TTC39B: variants seen among roughly 807,000 people sequenced by gnomAD.
The protein encoded by TTC39B is tetratricopeptide repeat domain 39B.
Under a neutral mutation model 96.6 loss-of-function variants are expected in TTC39B, and 92 were observed. The observed-to-expected ratio is 0.95, with a 90% CI of 0.80 to 1.13. TTC39B has a LOEUF of 1.13. TTC39B is among the 50% of genes most tolerant of loss of function. The pLI, the probability that TTC39B is intolerant of heterozygous loss-of-function variation, is 0.00. For missense variants in TTC39B, 955 were observed against 809.3 expected (o/e 1.18, Z -2.18); for synonymous variants, 367 against 299.4 (o/e 1.23, Z -2.33).
At chr9:15,211,643 A>G (rs1164981331) in intron 4 of TTC39B, among the ~76,000 whole-genome samples, 1 of 152,234 alleles carries the variant, frequency 6.6e-6, no homozygotes, top group Non-Finnish European at 1.5e-5. Flanking sequence ...TCCCTATTTC[A>G]ACACAAGAGG....
In TTC39B at chr9:15,218,924, T is replaced by C. The variant is rs947555320; in HGVS notation, c.372-4675A>G. ...CCAAGGCCATTTTCTATTACTTTTC[T>C]GGAGGTTTTGTCTCTTTCCTCTAGC... On this transcript the variant is annotated intron_variant, in intron 3 of 19. Transcript: ENST00000512701. 2.6e-5 allele frequency among the ~76,000 whole-genome samples: 4 copies of C among 152,106 alleles called. No homozygotes were observed. In the South Asian group the frequency reaches 8.3e-4, roughly 31 times the overall value.
chr9:15,196,335 G>A (rs978847027), intron 8 of TTC39B, among the ~76,000 whole-genome samples: 1 of 152,154 alleles, frequency 6.6e-6, no homozygotes, highest in Non-Finnish European at 1.5e-5. Flanking sequence ...TCCTCTAATG[G>A]ATCCAGGGAA....
intron 1 of TTC39B, among the ~76,000 whole-genome samples, chr9:15,280,534 T>G (rs1360145224): frequency 1.3e-5 from 2 of 152,130 alleles, no homozygotes; most frequent in Non-Finnish European, 2.9e-5. Context: ...AAGGGAGAAA[T>G]AACACTAAGA....
chr9:15,177,641 G>A (rs1370523706), intron 18 of TTC39B, 56 bp downstream of exon 18: 55 of 1,201,698 alleles, frequency 4.6e-5, no homozygotes, highest in Non-Finnish European at 5.8e-5. Context: ...CTTTCTCACA[G>A]CAATTCCCCA....
intron 8 of TTC39B, among the ~76,000 whole-genome samples, chr9:15,193,668 A>G (rs1196395051): frequency 6.6e-6 from 1 of 152,144 alleles, no homozygotes; most frequent in East Asian, 1.9e-4. Context: ...ATGAATGTTT[A>G]TTTGGTCAGC....
At chr9:15,233,625 C>G (rs947814636) in intron 2 of TTC39B, among the ~76,000 whole-genome samples, 1 of 152,174 alleles carries the variant, frequency 6.6e-6, no homozygotes, top group South Asian at 2.1e-4. Flanking sequence ...CCCGAGGTGC[C>G]GGGATTGCAG....
At position 15,211,410 on chromosome 9, in the gene TTC39B, C is replaced by G; in HGVS notation, c.483-13G>C. 1 of 1,465,374 alleles carries G rather than the reference C, an allele frequency of 6.8e-7. No homozygotes were observed. Among genetic ancestry groups the G allele is most frequent in the South Asian group, 1.5e-5 (1 of 68,516 alleles). 90.8% of individuals were successfully genotyped at this position (1,465,374 alleles called of 1,614,324 possible). A position where few individuals can be genotyped will look rare whatever the true frequency, so the allele number is the denominator to read the frequency against. On this transcript the variant is annotated splice_polypyrimidine_tract_variant and intron_variant, in intron 4 of 19. Transcript: ENST00000512701. ...ACTCTCCTTAGCCCTGGGAAGAACA[C>G]AGGGAATTCAGACATTTTAATTCAA...
At chr9:15,172,497 C>T (rs1588830666) in intron 19 of TTC39B, among the ~76,000 whole-genome samples, 1 of 152,214 alleles carries the variant, frequency 6.6e-6, no homozygotes, top group East Asian at 1.9e-4. Context: ...TTAGCATGAT[C>T]ACATGATCGA....
chr9:15,170,617 T>C (rs922481170), exon 20 of TTC39B: 4 of 152,178 alleles, frequency 2.6e-5, no homozygotes, highest in Admixed American at 6.5e-5. Context: ...CTCCGTGTCA[T>C]GGAACTATTA....
Position 15,177,716 on chromosome 9 carries a change from A to T in TTC39B, c.1822T>A (p.Tyr608Asn). The change falls in exon 18 of 20, where the codon TAC becomes AAC. Residue 608 changes from tyrosine (Y) to asparagine (N), a missense_variant. Coordinates refer to ENST00000512701, the Ensembl canonical transcript of TTC39B. Reference sequence around the variant, plus strand: ...TCTTACCTTTCCACAACATGATTGTAACATAGTTCAGCTTGCAAGGGCCGC... The same window carrying T: ...TCTTACCTTTCCACAACATGATTGTTACATAGTTCAGCTTGCAAGGGCCGC... 3 of 1,612,634 alleles carry T rather than the reference A, an allele frequency of 1.9e-6. No homozygotes were observed. Among genetic ancestry groups the T allele is most frequent in the Non-Finnish European group, 2.5e-6 (3 of 1,179,280 alleles).
chr9:15,251,694 C>CATATAAATATAT (rs59081141), intron 2 of TTC39B, among the ~76,000 whole-genome samples: 1 of 61,810 alleles, frequency 1.6e-5, no homozygotes, highest in Admixed American at 1.9e-4. Context: ...CACACACATA[C>CATATAAATATAT]ATATACATAT....
intron 5 of TTC39B, 55 bp from the exon 6 acceptor site, chr9:15,210,219 A>G: frequency 1.6e-6 from 2 of 1,240,416 alleles, no homozygotes; most frequent in Non-Finnish European, 2.3e-6. Context: ...AATCAGGCTG[A>G]GCTCATTTTC....
At chr9:15,235,552 G>A (rs193183864) in intron 2 of TTC39B, among the ~76,000 whole-genome samples, 160 of 152,120 alleles carry the variant, frequency 1.1e-3, no homozygotes, top group Non-Finnish European at 1.8e-3. Context: ...AAATTTTAAA[G>A]GCAACTAGAA....
chr9:15,284,562 T>C (rs189577454), intron 1 of TTC39B, among the ~76,000 whole-genome samples: 2 of 152,266 alleles, frequency 1.3e-5, no homozygotes, highest in African/African-American at 4.8e-5. Context: ...TGAAAACATA[T>C]CTCTAAAATA....
At position 15,302,474 on chromosome 9, in the gene TTC39B, G is replaced by A. The variant is rs144432438; in HGVS notation, c.240+4610C>T. On this transcript the variant is annotated intron_variant, in intron 1 of 19. Coordinates refer to ENST00000512701, the Ensembl canonical transcript of TTC39B. ...TACTAAAAATACAAAAAAATTAGCC[G>A]GGTGTGGTGGCACATGCATCACGCC... Among the ~76,000 whole-genome samples, 595 of 148,170 alleles carry A rather than the reference G, an allele frequency of 4.0e-3. 2 individuals are homozygous for A. Among genetic ancestry groups the A allele is most frequent in the African/African-American group, 0.013 (533 of 40,036 alleles).
At chr9:15,225,749 C>T (rs890989032) in intron 3 of TTC39B, among the ~76,000 whole-genome samples, 168 bp downstream of exon 3, 7 of 152,226 alleles carry the variant, frequency 4.6e-5, no homozygotes, top group African/African-American at 1.7e-4. Context: ...GAGCAGCCAC[C>T]GTATCTCCTT....
intron 1 of TTC39B, among the ~76,000 whole-genome samples, chr9:15,274,955 TC>T (rs1408899901): frequency 1.3e-5 from 2 of 152,190 alleles, no homozygotes; most frequent in African/African-American, 2.4e-5. Context: ...AAAATAATTT[TC>T]CATGTTCTCC....
chr9:15,228,974 T>G (rs906242569), intron 2 of TTC39B, among the ~76,000 whole-genome samples: 1 of 152,232 alleles, frequency 6.6e-6, no homozygotes. Context: ...TCATGGAAAT[T>G]CTACAGTATT....
intron 17 of TTC39B, among the ~76,000 whole-genome samples, chr9:15,178,416 A>C (rs1818075146): frequency 6.6e-6 from 1 of 152,118 alleles, no homozygotes; most frequent in South Asian, 2.1e-4. Flanking sequence ...CTACAAAAAA[A>C]AATTTTTTTA....
Sources: gnomAD v4.1 joint callset for allele counts (sites outside exome capture counted in the v4.1 genomes callset) on GRCh38, gnomAD v4.1.1 for gene constraint, MANE v1.5 for transcripts, NCBI Gene and HGNC (gene_info 2026-07-23, HGNC 2026-07-21) for gene names.